The following TIRAP variants were observed in gnomAD, a reference collection of about 807,000 sequenced individuals.
TIRAP encodes TIR domain containing adaptor protein.
Under a neutral mutation model 19.8 loss-of-function variants are expected in TIRAP, and 20 were observed. The observed-to-expected ratio is 1.01, with a 90% confidence interval of 0.71 to 1.47. TIRAP has a LOEUF of 1.47. Ranked by LOEUF, TIRAP falls within the 40% of genes most tolerant of loss-of-function variation. The pLI is 0.00. For synonymous variants in TIRAP, 125 were observed against 121.7 expected (o/e 1.03, Z -0.18); for missense variants, 276 against 285.1 (o/e 0.97, Z 0.23).
At position 126,283,109 on chromosome 11, in the gene TIRAP, C is replaced by T. The variant is rs1231377280; in HGVS notation, c.-261C>T. 11 of 984,900 alleles carry T rather than the reference C, an allele frequency of 1.1e-5. No homozygotes were observed. Among genetic ancestry groups the T allele is most frequent in the African/African-American group, 7.0e-5 (4 of 57,200 alleles). 61.0% of individuals were successfully genotyped at this position (984,900 alleles called of 1,614,324 possible). On this transcript the variant is annotated 5_prime_UTR_variant, in exon 1 of 5. Transcript: ENST00000392679. ...TGCGCGCTGCTCTTCCCCGCGGAGC[C>T]CGCGCAGTCCGCGCAGCCCTCATCG...
intron 1 of TIRAP, among the ~76,000 whole-genome samples, chr11:126,284,122 C>T (rs1242923248): frequency 2.7e-5 from 4 of 150,750 alleles, no homozygotes; most frequent in African/African-American, 9.8e-5. Flanking sequence ...CTGCAGCCTC[C>T]GCCTTGTGGG....
chr11:126,290,241 C>T lies in TIRAP; in HGVS notation c.-216-221C>T, dbSNP rs936309608. Among the ~76,000 whole-genome samples, 13 of 152,182 alleles carry T rather than the reference C, an allele frequency of 8.5e-5. No individual in the cohort carries two copies. The highest frequency in any genetic ancestry group is 4.1e-4 in the South Asian group (2 of 4,822). On this transcript the variant is annotated intron_variant, in intron 1 of 4. Coordinates refer to ENST00000392679, the MANE Select transcript of TIRAP (RefSeq NM_001318777.2). The surrounding 1 kb of genome is among the most constrained non-coding windows in gnomAD (Gnocchi z 4.9). ...CCAGAGATGAGAATCAGGCACTCTA[C>T]CTGCAGTCTGCAGTCTGTACCACTT... is the stretch of plus-strand genomic sequence containing the variant.
rs1419983200 is a variant in TIRAP at position 126,291,896 on chromosome 11, G to C, written c.68-581G>C. ...ATCAAAGGGCCTGGAGTAGTGCAAG[G>C]CCATTTCTCTTAACCAGGCTGGTGG... On this transcript the variant is annotated intron_variant, in intron 3 of 4. Transcript: ENST00000392679. This position sits in a 1 kb window ranked among gnomAD's most constrained non-coding sequence, Gnocchi z 5.6. 6.6e-6 allele frequency among the ~76,000 whole-genome samples: 1 copy of C among 151,978 alleles called. No individual in the cohort carries two copies. The highest frequency in any genetic ancestry group is 1.5e-5 in the Non-Finnish European group (1 of 68,032).
chr11:126,287,260 T>C lies in TIRAP; in HGVS notation c.-216-3202T>C, dbSNP rs528352426. ...ATATGCCTTCACAGGCTCCAGTACA[T>C]TCCCTATATAATAGAAATTGGAGAC... On this transcript the variant is annotated intron_variant, in intron 1 of 4. Coordinates refer to ENST00000392679, the MANE Select transcript of TIRAP (RefSeq NM_001318777.2). This position sits in a 1 kb window ranked among gnomAD's most constrained non-coding sequence, Gnocchi z 4.2. Among the ~76,000 whole-genome samples, 2 of 152,300 alleles carry C rather than the reference T, an allele frequency of 1.3e-5. No homozygotes were observed. Among genetic ancestry groups the C allele is most frequent in the South Asian group, 2.1e-4 (1 of 4,830 alleles).
chr11:126,293,358 C>T (rs200601992), intron 4 of TIRAP: 79 of 707,546 alleles, frequency 1.1e-4, no homozygotes, highest in Non-Finnish European at 1.5e-4. Context: ...TAACAGGCAG[C>T]GCCTAGCACA....
Position 126,294,392 on chromosome 11 carries a change from T to G in TIRAP, c.*705T>G. ...CTAGAAGCCTAGAGGCCATTCTGAATATGGGGGTGGGGTGGTGGAGGGAGC... is the reference window on the plus strand; with the variant it reads ...CTAGAAGCCTAGAGGCCATTCTGAAGATGGGGGTGGGGTGGTGGAGGGAGC... On this transcript the variant is annotated 3_prime_UTR_variant, in exon 5 of 5. Transcript: ENST00000392679. 1 of 395,212 alleles carries G rather than the reference T, an allele frequency of 2.5e-6. No homozygotes were observed. Among genetic ancestry groups the G allele is most frequent in the South Asian group, 1.9e-5 (1 of 53,898 alleles). 24.5% of individuals were successfully genotyped at this position (395,212 alleles called of 1,614,324 possible). A position where few individuals can be genotyped will look rare whatever the true frequency, so the allele number is the denominator to read the frequency against.
chr11:126,284,934 C>T (rs1046184739), intron 1 of TIRAP, among the ~76,000 whole-genome samples: 3 of 151,786 alleles, frequency 2.0e-5, no homozygotes, highest in African/African-American at 7.2e-5. Flanking sequence ...GTATGCTCAT[C>T]TTAGTCTATG....
In TIRAP at chr11:126,288,168, C is replaced by T. The variant is rs1951342270; in HGVS notation, c.-216-2294C>T. Among the ~76,000 whole-genome samples, 1 of 152,270 alleles carries T rather than the reference C, an allele frequency of 6.6e-6. No individual in the cohort carries two copies. Among genetic ancestry groups the T allele is most frequent in the South Asian group, 2.1e-4 (1 of 4,838 alleles). ...GTGCTGGGATTACAGGCATGAGCCA[C>T]TGAGCCCGTTCCCTTTACTAATTTT... On this transcript the variant is annotated intron_variant, in intron 1 of 4. Coordinates refer to ENST00000392679, the MANE Select transcript of TIRAP (RefSeq NM_001318777.2). This position sits in a 1 kb window ranked among gnomAD's most constrained non-coding sequence, Gnocchi z 5.0.
At chr11:126,285,187 T>C (rs937126246) in intron 1 of TIRAP, among the ~76,000 whole-genome samples, 5 of 150,462 alleles carry the variant, frequency 3.3e-5, no homozygotes, top group East Asian at 1.9e-4. Flanking sequence ...ACTAGTTCCA[T>C]TGAGTCCTTG....
At chr11:126,289,364 C>T (rs1339217298) in intron 1 of TIRAP, among the ~76,000 whole-genome samples, 3 of 152,084 alleles carry the variant, frequency 2.0e-5, no homozygotes, top group African/African-American at 4.8e-5. Flanking sequence ...CTGCAACCTC[C>T]GCCTCCAGGT....
chr11:126,285,007 G>A (rs1951302829), intron 1 of TIRAP, among the ~76,000 whole-genome samples: 1 of 151,958 alleles, frequency 6.6e-6, no homozygotes, highest in Non-Finnish European at 1.5e-5. Flanking sequence ...ACCACTACTT[G>A]ATAGTCTTTT....
At chr11:126,292,407 C>T (rs1161621762) in intron 3 of TIRAP, 70 bp from the exon 4 acceptor site, 1 of 1,550,684 alleles carries the variant, frequency 6.4e-7, no homozygotes, top group African/African-American at 1.4e-5. Flanking sequence ...TGAGGTGGGG[C>T]TCCTCCCTGT....
intron 1 of TIRAP, among the ~76,000 whole-genome samples, chr11:126,283,845 T>A (rs1304707577): frequency 6.6e-6 from 1 of 152,172 alleles, no homozygotes; most frequent in Non-Finnish European, 1.5e-5. Flanking sequence ...TAGTTAGTTT[T>A]TAGATTTAAA....
At position 126,289,844 on chromosome 11, in the gene TIRAP, T is replaced by G. The variant is rs1204272043; in HGVS notation, c.-216-618T>G. ...TGGGAAAAGAACATGGCAGGTTGCCTTTCTAAGGGATTCTTGGGCCTTTGT... is the reference window on the plus strand; with the variant it reads ...TGGGAAAAGAACATGGCAGGTTGCCGTTCTAAGGGATTCTTGGGCCTTTGT... On this transcript the variant is annotated intron_variant, in intron 1 of 4. Transcript: ENST00000392679. 3 of 985,262 alleles carry G rather than the reference T, an allele frequency of 3.0e-6. No homozygotes were observed. In the East Asian group the frequency reaches 3.4e-4, roughly 112 times the overall value. 61.0% of individuals were successfully genotyped at this position (985,262 alleles called of 1,614,324 possible).
chr11:126,291,003 G>GT lies in TIRAP; in HGVS notation c.67+43dup, dbSNP rs1299655578. ...TCGCGACTCTGCTGTGTTCCTGAGT[G>GT]TAGTGCTCAGCCTCCATAGGGCGCG... On this transcript the variant is annotated intron_variant, in intron 3 of 4. Coordinates refer to ENST00000392679, the MANE Select transcript of TIRAP (RefSeq NM_001318777.2). The surrounding 1 kb of genome is among the most constrained non-coding windows in gnomAD (Gnocchi z 5.6). The GT allele has an allele frequency of 1.3e-6, 2 of 1,577,388 alleles. No individual in the cohort carries two copies. Among genetic ancestry groups the GT allele is most frequent in the Non-Finnish European group, 1.7e-6 (2 of 1,160,550 alleles).
rs1259954107 is a variant in TIRAP at position 126,283,098 on chromosome 11, CCCCGCGGAG to C, written c.-265_-257del. Reference sequence around the variant, plus strand: ...AGAGCGGGGCCTGCGCGCTGCTCTTCCCCGCGGAGCCCGCGCAGTCCGCGCAGCCCTCAT... The same window carrying C: ...AGAGCGGGGCCTGCGCGCTGCTCTTCCCCGCGCAGTCCGCGCAGCCCTCAT... On this transcript the variant is annotated 5_prime_UTR_variant, in exon 1 of 5. Coordinates refer to ENST00000392679, the MANE Select transcript of TIRAP (RefSeq NM_001318777.2). 9.1e-6 allele frequency: 9 copies of C among 985,196 alleles called. No individual in the cohort carries two copies. The highest frequency in any genetic ancestry group is 1.1e-5 in the Non-Finnish European group (9 of 829,900). The allele number at this position is 985,196 out of a possible 1,614,324, so 61.0% of individuals were successfully genotyped here.
chr11:126,292,977 G>A lies in TIRAP; in HGVS notation c.568G>A (p.Glu190Lys), dbSNP rs1162130040. 1.3e-5 allele frequency: 21 copies of A among 1,614,068 alleles called. No individual in the cohort carries two copies. Among genetic ancestry groups the A allele is most frequent in the Non-Finnish European group, 1.8e-5 (21 of 1,180,006 alleles). ...SGLSRAAYPP[E>K]LRFMYYVDGR... Reference sequence around the variant, plus strand: ...CCTCAGCAGAGCTGCCTACCCACCTGAGCTCCGATTCATGTACTACGTCGA... The same window carrying A: ...CCTCAGCAGAGCTGCCTACCCACCTAAGCTCCGATTCATGTACTACGTCGA... Residue 190 changes from glutamate (E) to lysine (K), a missense_variant, in exon 4 of 5, where the codon GAG (glutamate) becomes AAG (lysine). Coordinates refer to ENST00000392679, the MANE Select transcript of TIRAP (RefSeq NM_001318777.2).
Position 126,291,181 on chromosome 11 carries a change from T to C in TIRAP, c.67+220T>C, listed in dbSNP as rs1591373582. 3.0e-6 allele frequency: 2 copies of C among 660,156 alleles called. No individual in the cohort carries two copies. Among genetic ancestry groups the C allele is most frequent in the East Asian group, 5.7e-5 (2 of 34,876 alleles). The allele number at this position is 660,156 out of a possible 1,614,324, so 40.9% of individuals were successfully genotyped here. Reference sequence around the variant, plus strand: ...GATCTTTATCCTTTTGGCTCAAAGGTTTTCCAGGCCTGCTCAGCTAGCTTT... The same window carrying C: ...GATCTTTATCCTTTTGGCTCAAAGGCTTTCCAGGCCTGCTCAGCTAGCTTT... On this transcript the variant is annotated intron_variant, in intron 3 of 4. Coordinates refer to ENST00000392679, the MANE Select transcript of TIRAP (RefSeq NM_001318777.2). This position sits in a 1 kb window ranked among gnomAD's most constrained non-coding sequence, Gnocchi z 5.6.
In TIRAP at chr11:126,288,902, A is replaced by G. The variant is rs960678933; in HGVS notation, c.-216-1560A>G. ...TTAAAATTAAAACAGAATTGAAAAA[A>G]TATTTAAAAAATGCAAAAACCAAGT... On this transcript the variant is annotated intron_variant, in intron 1 of 4. Transcript: ENST00000392679. The surrounding 1 kb of genome is among the most constrained non-coding windows in gnomAD (Gnocchi z 5.0). Among the ~76,000 whole-genome samples, 2 of 152,234 alleles carry G rather than the reference A, an allele frequency of 1.3e-5. No individual in the cohort carries two copies. The highest frequency in any genetic ancestry group is 2.9e-5 in the Non-Finnish European group (2 of 68,042).
Sources: allele counts gnomAD v4.1 joint callset (sites outside exome capture counted in the v4.1 genomes callset), GRCh38; gene constraint gnomAD v4.1.1; non-coding constraint Gnocchi (gnomAD v3.1); transcripts MANE v1.5; gene names NCBI Gene and HGNC (gene_info 2026-07-23, HGNC 2026-07-21).